Variants in TRDN observed in about 807,000 individuals in gnomAD.
TRDN encodes the protein triadin, also known as triadin in skeletal muscle.
Under a neutral mutation model 149.7 loss-of-function variants are expected in TRDN, and 161 were observed. The observed-to-expected ratio is 1.08, with a 90% CI of 0.95 to 1.23. TRDN has a LOEUF of 1.23. Among genes scored for constraint, TRDN ranks in the 50% most tolerant of loss-of-function variants. TRDN has a pLI of 0.00. For missense variants in TRDN, 896 were observed against 823.5 expected (o/e 1.09, Z -1.08); for synonymous variants, 294 against 250.5 (o/e 1.17, Z -1.64).
chr6:123,287,494 T>G (rs958716685), intron 24 of TRDN, among the ~76,000 whole-genome samples: 2 of 152,128 alleles, frequency 1.3e-5, no homozygotes, highest in Non-Finnish European at 2.9e-5. Context: ...CCGTAGTTGC[T>G]TTTTTTAAGA....
At chr6:123,429,858 T>A (rs1043313018) in intron 12 of TRDN, among the ~76,000 whole-genome samples, 2 of 152,206 alleles carry the variant, frequency 1.3e-5, no homozygotes, top group Non-Finnish European at 2.9e-5. Flanking sequence ...GTGCAAGACC[T>A]GCTAAAAATT....
intron 14 of TRDN, among the ~76,000 whole-genome samples, chr6:123,383,194 T>C (rs1402208921): frequency 6.6e-6 from 1 of 152,048 alleles, no homozygotes; most frequent in Non-Finnish European, 1.5e-5. Flanking sequence ...AACTAAAATG[T>C]TTGGATATGA....
intron 9 of TRDN, among the ~76,000 whole-genome samples, chr6:123,472,325 G>A (rs942376498): frequency 1.3e-5 from 2 of 152,310 alleles, no homozygotes; most frequent in South Asian, 2.1e-4. Flanking sequence ...GTGACGGACA[G>A]CACCTGGAAA....
intron 39 of TRDN, among the ~76,000 whole-genome samples, chr6:123,222,662 C>A (rs1400630326): frequency 6.6e-6 from 1 of 151,718 alleles, no homozygotes; most frequent in African/African-American, 2.4e-5. Flanking sequence ...TTGGCTAGAA[C>A]AATGCTTAGG....
chr6:123,613,288 C>T (rs976478839), intron 1 of TRDN, among the ~76,000 whole-genome samples: 1 of 152,088 alleles, frequency 6.6e-6, no homozygotes, highest in Non-Finnish European at 1.5e-5. Context: ...GAAACATTTC[C>T]AATTTCAATT....
chr6:123,449,261 A>G (rs2114646266), intron 10 of TRDN, among the ~76,000 whole-genome samples: 1 of 152,344 alleles, frequency 6.6e-6, no homozygotes, highest in African/African-American at 2.4e-5. Flanking sequence ...GAGTTAGGTT[A>G]TTAAGCTAAT....
chr6:123,273,728 G>A (rs1414416401), intron 27 of TRDN, among the ~76,000 whole-genome samples: 2 of 152,056 alleles, frequency 1.3e-5, no homozygotes, highest in Non-Finnish European at 2.9e-5. Flanking sequence ...TTCAGGGGCT[G>A]AGGTACTACT....
At chr6:123,611,857 C>A (rs903970627) in intron 1 of TRDN, among the ~76,000 whole-genome samples, 1 of 151,884 alleles carries the variant, frequency 6.6e-6, no homozygotes, top group Admixed American at 6.6e-5. Flanking sequence ...TTTGCTTTAT[C>A]TGATAATAAA....
intron 19 of TRDN, among the ~76,000 whole-genome samples, chr6:123,369,772 AG>A (rs1781252192): frequency 6.6e-6 from 1 of 152,200 alleles, no homozygotes; most frequent in East Asian, 1.9e-4. Flanking sequence ...GCCCCTTTTT[AG>A]TACCAATCCT....
At chr6:123,287,537 T>C (rs9385290) in intron 24 of TRDN, among the ~76,000 whole-genome samples, 27,706 of 152,124 alleles carry the variant, frequency 0.18, 3,181 homozygotes, top group East Asian at 0.54. Context: ...TGGCTGTTTG[T>C]CACAATTCTG....
chr6:123,583,641 G>A (rs1287721070), intron 1 of TRDN, among the ~76,000 whole-genome samples: 3 of 151,898 alleles, frequency 2.0e-5, no homozygotes, highest in East Asian at 1.9e-4. Context: ...ACTGTATTGA[G>A]GTAGGAAGGC....
At chr6:123,600,860 T>C (rs895561445) in intron 1 of TRDN, among the ~76,000 whole-genome samples, 2 of 152,126 alleles carry the variant, frequency 1.3e-5, no homozygotes, top group African/African-American at 2.4e-5. Context: ...TGCCTTTGTT[T>C]AGCACAATTA....
chr6:123,393,448 T>C (rs1229026878), intron 13 of TRDN, among the ~76,000 whole-genome samples, 176 bp downstream of exon 13: 1 of 152,250 alleles, frequency 6.6e-6, no homozygotes, highest in East Asian at 1.9e-4. Context: ...CTCTCAGTCA[T>C]GCTTGCTCCA....
At chr6:123,486,131 C>G (rs1010870288) in intron 9 of TRDN, among the ~76,000 whole-genome samples, 1 of 151,986 alleles carries the variant, frequency 6.6e-6, no homozygotes, top group African/African-American at 2.4e-5. Context: ...CATAAGATGA[C>G]TTAAATTACG....
intron 1 of TRDN, among the ~76,000 whole-genome samples, chr6:123,591,324 C>T (rs952392576): frequency 2.0e-5 from 3 of 152,204 alleles, no homozygotes; most frequent in African/African-American, 7.2e-5. Flanking sequence ...TGGCTCACTG[C>T]AACCTCCACC....
chr6:123,422,975 T>C (rs1315828368), intron 12 of TRDN, among the ~76,000 whole-genome samples: 2 of 152,112 alleles, frequency 1.3e-5, no homozygotes. Context: ...GATTACTATG[T>C]AGCACAAAGG....
chr6:123,279,573 G>T (rs1228792015), intron 24 of TRDN, among the ~76,000 whole-genome samples: 1 of 151,664 alleles, frequency 6.6e-6, no homozygotes, highest in Non-Finnish European at 1.5e-5. Context: ...GTCTGTCACT[G>T]TTCAACTCAA....
In TRDN at chr6:123,293,649, A is replaced by G. The variant is rs568625277; in HGVS notation, c.1511-14567T>C. The stretch of plus-strand genomic sequence containing the variant: ...AATATCTCTATAGACACAACTTGGA[A>G]GCAAAGGATAAACATCACACCCTGT... On this transcript the variant is annotated intron_variant, in intron 24 of 40. Transcript: ENST00000334268. 3.3e-5 allele frequency among the ~76,000 whole-genome samples: 5 copies of G among 152,246 alleles called. No homozygotes were observed. In the East Asian group the frequency reaches 9.7e-4, roughly 29 times the overall value.
At chr6:123,408,291 T>C (rs1023594046) in intron 12 of TRDN, among the ~76,000 whole-genome samples, 7 of 152,200 alleles carry the variant, frequency 4.6e-5, no homozygotes, top group Non-Finnish European at 1.0e-4. Context: ...CTATACATGG[T>C]ACTAATTAAG....
Sources: gnomAD v4.1 joint callset for allele counts (sites outside exome capture counted in the v4.1 genomes callset) on GRCh38, gnomAD v4.1.1 for gene constraint, MANE v1.5 for transcripts, NCBI Gene and HGNC (gene_info 2026-07-23, HGNC 2026-07-21) for gene names.